Variants in TBX10 observed in about 807,000 individuals in gnomAD.
The protein encoded by TBX10 is T-box transcription factor TBX10.
Under a neutral mutation model 32.4 loss-of-function variants are expected in TBX10, and 26 were observed. The observed-to-expected ratio is 0.80, with a 90% confidence interval of 0.59 to 1.11. The LOEUF (loss-of-function observed/expected upper bound fraction) is 1.11. Ranked by LOEUF, TBX10 falls within the 50% of genes most tolerant of loss-of-function variation. The probability of loss-of-function intolerance (pLI) is 0.00; values close to 1 mark genes in which losing one functional copy is unlikely to be tolerated. For missense variants in TBX10, 490 were observed against 494.5 expected (o/e 0.99, Z 0.09); for synonymous variants, 195 against 203.1 (o/e 0.96, Z 0.34).
intron 1 of TBX10, among the ~76,000 whole-genome samples, chr11:67,636,520 TA>T (rs66495839): frequency 0.22 from 25,198 of 112,612 alleles, 2,396 homozygotes; most frequent in Non-Finnish European, 0.33. Context: ...TTTATTTATT[TA>T]TTTTTTTCCA....
chr11:67,633,672 C>T (rs746191217), intron 4 of TBX10, among the ~76,000 whole-genome samples: 3 of 152,238 alleles, frequency 2.0e-5, no homozygotes, highest in Non-Finnish European at 4.4e-5. Flanking sequence ...GGGCATGGGC[C>T]GCTGCATCCT....
At chr11:67,634,518 C>T (rs1855293621) in intron 3 of TBX10, among the ~76,000 whole-genome samples, 158 bp from the exon 4 acceptor site, 2 of 152,232 alleles carry the variant, frequency 1.3e-5, no homozygotes, top group Non-Finnish European at 2.9e-5. Flanking sequence ...CCTGTTGAGA[C>T]CTGAGTTCCC....
At chr11:67,632,197 C>T (rs1855246928) in intron 7 of TBX10, 121 bp downstream of exon 7, 1 of 1,189,824 alleles carries the variant, frequency 8.4e-7, no homozygotes, top group Non-Finnish European at 1.2e-6. Context: ...TCCGTGTGTC[C>T]ACACAGGGGC....
intron 1 of TBX10, among the ~76,000 whole-genome samples, chr11:67,638,970 G>C (rs1336551383): frequency 1.3e-5 from 2 of 152,114 alleles, no homozygotes; most frequent in Non-Finnish European, 2.9e-5. Flanking sequence ...GTGGTCACTG[G>C]CTCCCAAGTC....
chr11:67,634,964 C>A, intron 2 of TBX10, 32 bp downstream of exon 2: 1 of 1,613,254 alleles, frequency 6.2e-7, no homozygotes, highest in Non-Finnish European at 8.5e-7. Context: ...CCAACCCTGG[C>A]CCCTGCCTCA....
rs560683911 is a variant in TBX10, at chr11:67,631,522, G to A, written c.*83C>T. On this transcript the variant is annotated 3_prime_UTR_variant, in exon 8 of 8. Transcript: ENST00000335385. Reference sequence around the variant, plus strand: ...CTGCTCTCCTTGAGACAGAGATGGGGCTGGAGGGGGCGGGGCAGAGGCTGA... The same window carrying A: ...CTGCTCTCCTTGAGACAGAGATGGGACTGGAGGGGGCGGGGCAGAGGCTGA... 21 of 1,501,546 alleles carry A rather than the reference G, an allele frequency of 1.4e-5. No individual in the cohort carries two copies. The South Asian group carries it at 2.3e-4, about 16-fold the overall frequency. 93.0% of individuals were successfully genotyped at this position (1,501,546 alleles called of 1,614,324 possible). A position where few individuals can be genotyped will look rare whatever the true frequency, so the allele number is the denominator to read the frequency against.
intron 1 of TBX10, 73 bp downstream of exon 1, chr11:67,639,393 T>TTCCCGCGGGCGCCCCCCCCCC: frequency 1.4e-6 from 1 of 726,926 alleles, no homozygotes; most frequent in Non-Finnish European, 2.5e-6. Context: ...CTGTCTTGGT[T>TTCCCGCGGGCGCCCCCCCCCC]CCCACCCTGC....
chr11:67,640,224 G>T (rs1332042154), upstream of TBX10, among the ~76,000 whole-genome samples: 1 of 152,254 alleles, frequency 6.6e-6, no homozygotes, highest in African/African-American at 2.4e-5. Flanking sequence ...CCTGTGGCAC[G>T]TGAACCCACA....
chr11:67,638,323 A>G (rs1855358477), intron 1 of TBX10, among the ~76,000 whole-genome samples: 1 of 152,226 alleles, frequency 6.6e-6, no homozygotes, highest in Admixed American at 6.5e-5. Flanking sequence ...AAATCCTGAG[A>G]AACAGAACTA....
At position 67,639,623 on chromosome 11, in the gene TBX10, G is replaced by A; in HGVS notation, c.-151C>T. 2.9e-6 allele frequency: 3 copies of A among 1,023,476 alleles called. No homozygotes were observed. The Admixed American group carries it at 5.9e-5, about 20-fold the overall frequency. The allele number at this position is 1,023,476 out of a possible 1,614,324, so 63.4% of individuals were successfully genotyped here. A position where few individuals can be genotyped will look rare whatever the true frequency, so the allele number is the denominator to read the frequency against. On this transcript the variant is annotated 5_prime_UTR_variant, in exon 1 of 8. Transcript: ENST00000335385. The stretch of plus-strand genomic sequence containing the variant: ...CAAGCTGTAGTCTCTCGGCAGGACG[G>A]TCCTTGCCTCCTCGATCGCCCTTCG...
chr11:67,631,557 C>G lies in TBX10; in HGVS notation c.*48G>C, dbSNP rs1421365127. 1.3e-6 allele frequency: 2 copies of G among 1,559,682 alleles called. No individual in the cohort carries two copies. Among genetic ancestry groups the G allele is most frequent in the South Asian group, 1.2e-5 (1 of 85,818 alleles). On this transcript the variant is annotated 3_prime_UTR_variant, in exon 8 of 8. Coordinates refer to ENST00000335385, the MANE Select transcript of TBX10 (RefSeq NM_005995.5). ...GCGGGGCAGAGGCTGATTCCCACAC[C>G]CGGTGTAAGGTCCAGGGTAGCAGGG...
chr11:67,638,500 G>C (rs549840018), intron 1 of TBX10, among the ~76,000 whole-genome samples: 1 of 152,298 alleles, frequency 6.6e-6, no homozygotes, highest in African/African-American at 2.4e-5. Context: ...GCAGAGGGGG[G>C]TGCTGGGTGT....
intron 1 of TBX10, among the ~76,000 whole-genome samples, chr11:67,639,063 C>A (rs1046540898): frequency 2.6e-5 from 4 of 152,176 alleles, no homozygotes; most frequent in Non-Finnish European, 2.9e-5. Context: ...GGAGCCTGTC[C>A]TTTGCTCAGT....
At chr11:67,634,962 G>T in intron 2 of TBX10, 34 bp downstream of exon 2, 2 of 1,613,184 alleles carry the variant, frequency 1.2e-6, no homozygotes, top group Non-Finnish European at 1.7e-6. Flanking sequence ...CTCCAACCCT[G>T]GCCCCTGCCT....
At chr11:67,635,818 G>C (rs1035799578) in intron 1 of TBX10, among the ~76,000 whole-genome samples, 6 of 151,956 alleles carry the variant, frequency 3.9e-5, no homozygotes, top group African/African-American at 1.5e-4. Context: ...TTGACAACCC[G>C]CCCAGAGCCT....
At position 67,635,257 on chromosome 11, in the gene TBX10, A is replaced by G. The variant is rs757342469; in HGVS notation, c.14T>C (p.Leu5Pro). 1 of 1,613,392 alleles carries G rather than the reference A, an allele frequency of 6.2e-7. No individual in the cohort carries two copies. The highest frequency in any genetic ancestry group is 8.5e-7 in the Non-Finnish European group (1 of 1,179,986). Residue 5 changes from leucine (L) to proline (P), a missense_variant, in exon 2 of 8, where the codon CTA (leucine) becomes CCA (proline). Physicochemically the swap from Leu to Pro is moderately conservative, Grantham distance 98. Around this residue, in one of 3 missense-constraint regions of TBX10, gnomAD observed 307 missense variants for 294.9 expected, o/e 1.04. Coordinates refer to ENST00000335385, the MANE Select transcript of TBX10 (RefSeq NM_005995.5). ...TGCAAGTATGCCGAGGCCAGCAGAT[A>G]GGAAGGCTGTGGAGAGAGGACGGAA... MAAF[L>P]SAGLGILAPS...
chr11:67,632,182 C>T, intron 7 of TBX10, 136 bp downstream of exon 7: 1 of 1,073,552 alleles, frequency 9.3e-7, no homozygotes, highest in Non-Finnish European at 1.4e-6. Context: ...ATGTCTGCTT[C>T]CCCCTCCGTG....
Position 67,631,562 on chromosome 11 carries a change from G to GT in TBX10, c.*42dup. 1 of 1,563,244 alleles carries GT rather than the reference G, an allele frequency of 6.4e-7. No individual in the cohort carries two copies. Among genetic ancestry groups the GT allele is most frequent in the Non-Finnish European group, 8.6e-7 (1 of 1,161,642 alleles). On this transcript the variant is annotated 3_prime_UTR_variant, in exon 8 of 8. Transcript: ENST00000335385. ...GCAGAGGCTGATTCCCACACCCGGT[G>GT]TAAGGTCCAGGGTAGCAGGGCTTCC... is the stretch of plus-strand genomic sequence containing the variant.
chr11:67,637,507 T>C (rs1375904221), intron 1 of TBX10, among the ~76,000 whole-genome samples: 1 of 152,206 alleles, frequency 6.6e-6, no homozygotes, highest in Non-Finnish European at 1.5e-5. Context: ...CCTCACATTC[T>C]GTATTTGTCC....
Sources: gnomAD v4.1 joint callset for allele counts (sites outside exome capture counted in the v4.1 genomes callset) on GRCh38, gnomAD v4.1.1 for gene constraint, gnomAD v4.1.1 regional missense constraint, MANE v1.5 for transcripts, NCBI Gene and HGNC (gene_info 2026-07-23, HGNC 2026-07-21) for gene names.